N4BP3: variants seen among roughly 807,000 people sequenced by gnomAD.
N4BP3 encodes NEDD4-binding protein 3.
N4BP3 carries 33 observed loss-of-function variants against 43.8 expected under a neutral mutation model. The observed-to-expected ratio is 0.75, with a 90% confidence interval of 0.57 to 1.01. The LOEUF is 1.01. Among genes scored for constraint, N4BP3 ranks in the 50% least tolerant of loss-of-function variants. N4BP3 has a pLI of 0.00. For missense variants in N4BP3, 756 were observed against 744.2 expected (o/e 1.02, Z -0.18); for synonymous variants, 326 against 321.9 (o/e 1.01, Z -0.14).
In N4BP3 at chr5:178,121,642, G is replaced by A. The variant is rs954171613; in HGVS notation, c.1276G>A (p.Val426Met). 6.0e-5 allele frequency: 96 copies of A among 1,612,524 alleles called. No homozygotes were observed. Among genetic ancestry groups the A allele is most frequent in the Middle Eastern group, 1.6e-4 (1 of 6,082 alleles). The change falls in exon 5 of 5, where the codon GTG (valine) becomes ATG (methionine). Residue 426 changes from valine (V) to methionine (M), a missense_variant. Transcript: ENST00000274605. ...AGAGCTGGTCCGGCTGCGCGAGGCT[G>A]TGCGCAGCCTGCAGGAGCAGGCCCC... ...DAELVRLREA[V>M]RSLQEQAPRE...
In N4BP3 at chr5:178,122,003, G is replaced by A; in HGVS notation, c.*2G>A. ...CGGCTCGAGTCCTCCAAGATCTGAG[G>A]CCAGCAGAGCGAGCTGACAGCAGCA... On this transcript the variant is annotated 3_prime_UTR_variant, in exon 5 of 5. Transcript: ENST00000274605. 6.3e-7 allele frequency: 1 copy of A among 1,582,352 alleles called. No individual in the cohort carries two copies. The highest frequency in any genetic ancestry group is 2.2e-5 in the East Asian group (1 of 44,562).
intron 1 of N4BP3, among the ~76,000 whole-genome samples, chr5:178,117,775 G>A (rs189533255): frequency 6.6e-6 from 1 of 151,650 alleles, no homozygotes; most frequent in Non-Finnish European, 1.5e-5. Context: ...CAGGGGCTGG[G>A]CTGGGTGGGG....
rs1273977338 is a variant in N4BP3 at position 178,123,177 on chromosome 5, G to A, written c.*1176G>A. ...GGCCTGGCTTGCCCTCTGGGCCTTT[G>A]CTCCCCCGCTGGGTGCCCGGCCTGG... is the stretch of plus-strand genomic sequence containing the variant. On this transcript the variant is annotated 3_prime_UTR_variant, in exon 5 of 5. Coordinates refer to ENST00000274605, the MANE Select transcript of N4BP3 (RefSeq NM_015111.2). 6.6e-6 allele frequency: 1 copy of A among 152,360 alleles called. No homozygotes were observed. Among genetic ancestry groups the A allele is most frequent in the African/African-American group, 2.4e-5 (1 of 41,452 alleles). 9.4% of individuals were successfully genotyped at this position (152,360 alleles called of 1,614,324 possible). A position where few individuals can be genotyped will look rare whatever the true frequency, so the allele number is the denominator to read the frequency against.
chr5:178,121,173 C>T lies in N4BP3; in HGVS notation c.928C>T (p.Gln310Ter), dbSNP rs151081300. ...TGTGGAGCGGCTGCACGAGGTGACC[C>T]AGAAGGCTGAGCGCAGCGAGCGCAA... is the stretch of plus-strand genomic sequence containing the variant. Reference protein sequence around the residue: ...LYVERLHEVTQKAERSERNLQ... With the variant: ...LYVERLHEVT Residue 310 changes from glutamine (Q) to a stop codon, truncating the protein, a stop_gained, in exon 4 of 5, where the codon CAG becomes TAG. Coordinates refer to ENST00000274605, the MANE Select transcript of N4BP3 (RefSeq NM_015111.2). LOFTEE classifies it high-confidence loss of function. 1.2e-6 allele frequency: 2 copies of T among 1,602,006 alleles called. No homozygotes were observed. Among genetic ancestry groups the T allele is most frequent in the Non-Finnish European group, 1.7e-6 (2 of 1,178,196 alleles).
chr5:178,125,842 C>T lies in N4BP3; in HGVS notation c.*3841C>T, dbSNP rs1245124228. 1 of 152,164 alleles carries T rather than the reference C, an allele frequency of 6.6e-6. No homozygotes were observed. Among genetic ancestry groups the T allele is most frequent in the African/African-American group, 2.4e-5 (1 of 41,434 alleles). 9.4% of individuals were successfully genotyped at this position (152,164 alleles called of 1,614,324 possible). A position where few individuals can be genotyped will look rare whatever the true frequency, so the allele number is the denominator to read the frequency against. On this transcript the variant is annotated 3_prime_UTR_variant, in exon 5 of 5. Transcript: ENST00000274605. ...CCTCTAGTCCACCCCCCGCCCCACC[C>T]CAGCCCCTGGCAACCACTGATCTGC...
At position 178,121,543 on chromosome 5, in the gene N4BP3, C is replaced by T. The variant is rs1467375919; in HGVS notation, c.1177C>T (p.Gln393Ter). ...QLREAQAELAQKLAEIFSLKT... is the reference protein window; with the variant it reads ...QLREAQAELA The stretch of plus-strand genomic sequence containing the variant: ...GCGTGAAGCCCAGGCGGAACTGGCC[C>T]AGAAGCTGGCGGAGATCTTCAGTCT... Residue 393 changes from glutamine (Q) to a stop codon, truncating the protein, a stop_gained, in exon 5 of 5, where the codon CAG (glutamine) becomes TAG (stop). Transcript: ENST00000274605. LOFTEE classifies it high-confidence loss of function. 1 of 1,613,798 alleles carries T rather than the reference C, an allele frequency of 6.2e-7. No individual in the cohort carries two copies. The highest frequency in any genetic ancestry group is 1.7e-5 in the Admixed American group (1 of 60,028).
chr5:178,120,743 C>T (rs750137388), intron 3 of N4BP3, 44 bp downstream of exon 3: 336 of 1,520,216 alleles, frequency 2.2e-4, no homozygotes, highest in Non-Finnish European at 2.6e-4. Context: ...TGCCTCAGCA[C>T]TGGGGTACAG....
intron 1 of N4BP3, among the ~76,000 whole-genome samples, chr5:178,115,030 G>C (rs1357447960): frequency 2.0e-5 from 3 of 152,208 alleles, no homozygotes; most frequent in Non-Finnish European, 4.4e-5. Flanking sequence ...AGTTGAGATT[G>C]CTTCTCACTG....
Position 178,121,531 on chromosome 5 carries a change from G to A in N4BP3, c.1165G>A (p.Ala389Thr), listed in dbSNP as rs776453844. The A allele has an allele frequency of 1.2e-6, 2 of 1,613,892 alleles. No homozygotes were observed. Among genetic ancestry groups the A allele is most frequent in the Non-Finnish European group, 1.7e-6 (2 of 1,180,020 alleles). Reference sequence around the variant, plus strand: ...GAAGCAGCAGCTGCGTGAAGCCCAGGCGGAACTGGCCCAGAAGCTGGCGGA... The same window carrying A: ...GAAGCAGCAGCTGCGTGAAGCCCAGACGGAACTGGCCCAGAAGCTGGCGGA... ...LLKQQLREAQ[A>T]ELAQKLAEIF... The change falls in exon 5 of 5, where the codon GCG becomes ACG. Residue 389 changes from alanine to threonine, a missense_variant. By Grantham distance (58) the Ala-to-Thr change is moderately conservative. Transcript: ENST00000274605.
In N4BP3 at chr5:178,119,771, A is replaced by C. The variant is rs1186363568; in HGVS notation, c.188A>C (p.Lys63Thr). The change falls in exon 2 of 5, where the codon AAG becomes ACG. Residue 63 changes from lysine to threonine, a missense_variant. By Grantham distance (78) the Lys-to-Thr change is moderately conservative. Coordinates refer to ENST00000274605, the MANE Select transcript of N4BP3 (RefSeq NM_015111.2). Reference sequence around the variant, plus strand: ...TTCCTCAGCTACCTGCACCTCCCCAAGAAGGACAGCAAGAGCACCAAGAAC... The same window carrying C: ...TTCCTCAGCTACCTGCACCTCCCCACGAAGGACAGCAAGAGCACCAAGAAC... ...REFLSYLHLPKKDSKSTKNTK... is the reference protein window; with the variant it reads ...REFLSYLHLPTKDSKSTKNTK... The C allele has an allele frequency of 2.5e-6, 4 of 1,613,634 alleles. No homozygotes were observed. Among genetic ancestry groups the C allele is most frequent in the Non-Finnish European group, 3.4e-6 (4 of 1,180,012 alleles).
Position 178,121,623 on chromosome 5 carries a change from G to A in N4BP3, c.1257G>A (p.Leu419=), listed in dbSNP as rs766317758. The A allele has an allele frequency of 1.9e-6, 3 of 1,612,910 alleles. No individual in the cohort carries two copies. The East Asian group carries it at 6.7e-5, about 36-fold the overall frequency. Reference sequence around the variant, plus strand: ...AAGCCCAGGCTCAGGACGCAGAGCTGGTCCGGCTGCGCGAGGCTGTGCGCA... The same window carrying A: ...AAGCCCAGGCTCAGGACGCAGAGCTAGTCCGGCTGCGCGAGGCTGTGCGCA... The part of the protein sequence containing the change: ...RAQAQAQDAE[L]VRLREAVRSL... The change falls in exon 5 of 5, where the codon CTG becomes CTA. Residue 419 remains leucine, a synonymous_variant. Transcript: ENST00000274605.
chr5:178,126,468 G>T (rs974922597), downstream of N4BP3, among the ~76,000 whole-genome samples: 2 of 151,702 alleles, frequency 1.3e-5, no homozygotes, highest in Non-Finnish European at 2.9e-5. Flanking sequence ...GTGGGCCACG[G>T]CGCTTGGCCC....
At chr5:178,119,485 G>A in intron 1 of N4BP3, 69 bp from the exon 2 acceptor site, 1 of 1,214,564 alleles carries the variant, frequency 8.2e-7, no homozygotes, top group South Asian at 1.6e-5. Context: ...CAAGTACCTT[G>A]TTTTCAGGCC....
In N4BP3 at chr5:178,121,176, A is replaced by G. The variant is rs1757911636; in HGVS notation, c.931A>G (p.Lys311Glu). 6.2e-7 allele frequency: 1 copy of G among 1,602,246 alleles called. No individual in the cohort carries two copies. Among genetic ancestry groups the G allele is most frequent in the East Asian group, 2.2e-5 (1 of 44,748 alleles). Residue 311 changes from lysine (K) to glutamate (E), a missense_variant, in exon 4 of 5, where the codon AAG (lysine) becomes GAG (glutamate). Physicochemically the swap from Lys to Glu is moderately conservative, Grantham distance 56. Coordinates refer to ENST00000274605, the MANE Select transcript of N4BP3 (RefSeq NM_015111.2). ...GGAGCGGCTGCACGAGGTGACCCAGAAGGCTGAGCGCAGCGAGCGCAACCT... is the reference window on the plus strand; with the variant it reads ...GGAGCGGCTGCACGAGGTGACCCAGGAGGCTGAGCGCAGCGAGCGCAACCT... ...YVERLHEVTQ[K>E]AERSERNLQL...
intron 1 of N4BP3, among the ~76,000 whole-genome samples, chr5:178,115,637 TCA>T (rs1206578052): frequency 1.3e-5 from 2 of 152,216 alleles, no homozygotes; most frequent in Non-Finnish European, 2.9e-5. Flanking sequence ...TTTCTGAACC[TCA>T]GTTTCCTCTT....
In N4BP3 at chr5:178,125,755, T is replaced by G. The variant is rs1277051530; in HGVS notation, c.*3754T>G. The stretch of plus-strand genomic sequence containing the variant: ...ACTTAGAGTTTTGGCAAATGCAGAG[T>G]TATGTAACGAACCCAACAATGAAGA... On this transcript the variant is annotated 3_prime_UTR_variant, in exon 5 of 5. Coordinates refer to ENST00000274605, the MANE Select transcript of N4BP3 (RefSeq NM_015111.2). The G allele has an allele frequency of 6.6e-6, 1 of 152,046 alleles. No individual in the cohort carries two copies. The highest frequency in any genetic ancestry group is 2.4e-5 in the African/African-American group (1 of 41,370). 9.4% of individuals were successfully genotyped at this position (152,046 alleles called of 1,614,324 possible).
rs187805511 is a variant in N4BP3 at position 178,114,372 on chromosome 5, G to T, written c.-31+601G>T. Among the ~76,000 whole-genome samples, 535 of 152,296 alleles carry T rather than the reference G, an allele frequency of 3.5e-3. 3 individuals carry two copies. Among genetic ancestry groups the T allele is most frequent in the Non-Finnish European group, 3.9e-3 (264 of 68,018 alleles). ...CTCCTTTATCCCCCAACCCCCTGCC[G>T]GTCCACCAGGCTGCAGCTGCGGGTC... is the stretch of plus-strand genomic sequence containing the variant. On this transcript the variant is annotated intron_variant, in intron 1 of 4. Coordinates refer to ENST00000274605, the MANE Select transcript of N4BP3 (RefSeq NM_015111.2).
chr5:178,116,136 T>C (rs552086314), intron 1 of N4BP3, among the ~76,000 whole-genome samples: 1 of 152,268 alleles, frequency 6.6e-6, no homozygotes, highest in African/African-American at 2.4e-5. Context: ...TGCAAGGCAC[T>C]TGCTGTCCTC....
At chr5:178,115,256 CCT>C (rs1757746215) in intron 1 of N4BP3, among the ~76,000 whole-genome samples, 1 of 152,228 alleles carries the variant, frequency 6.6e-6, no homozygotes, top group African/African-American at 2.4e-5. Context: ...GGCTTTAGCC[CCT>C]GTCTCTGCCT....
Sources: gnomAD v4.1 joint callset for allele counts (sites outside exome capture counted in the v4.1 genomes callset) on GRCh38, gnomAD v4.1.1 for gene constraint, MANE v1.5 for transcripts, NCBI Gene and HGNC (gene_info 2026-07-23, HGNC 2026-07-21) for gene names.